RBM20: variants seen among roughly 807,000 people sequenced by gnomAD.
RBM20 encodes RNA-binding protein 20.
In RBM20, 51 loss-of-function variants were observed where a neutral mutation model predicts 110.1. The observed-to-expected ratio is 0.46, with a 90% CI of 0.37 to 0.59. The LOEUF is 0.59. Ranked by LOEUF, RBM20 falls within the 20% of genes least tolerant of loss-of-function variation. The probability of loss-of-function intolerance (pLI) is 0.00; values close to 1 mark genes in which losing one functional copy is unlikely to be tolerated. For synonymous variants in RBM20, 589 were observed against 618.2 expected, an observed-to-expected ratio of 0.95 and a Z score of 0.70; for missense variants, 1,512 against 1,574.9, an observed-to-expected ratio of 0.96 and a Z score of 0.68.
chr10:110,768,985 G>A lies in RBM20; in HGVS notation c.192-11816G>A, dbSNP rs1230210461. On this transcript the variant is annotated intron_variant, in intron 1 of 13. Coordinates refer to ENST00000369519, the MANE Select transcript of RBM20 (RefSeq NM_001134363.3). The stretch of plus-strand genomic sequence containing the variant: ...TCTTCAGGGTCATTTAAGACAAATG[G>A]TCATGCTGTTTGGAGTGACAAAAAT... Among the ~76,000 whole-genome samples, 4 of 152,202 alleles carry A rather than the reference G, an allele frequency of 2.6e-5. No individual in the cohort carries two copies. In the East Asian group the frequency reaches 5.8e-4, roughly 22 times the overall value.
At chr10:110,760,805 A>G (rs1254211982) in intron 1 of RBM20, among the ~76,000 whole-genome samples, 1 of 150,418 alleles carries the variant, frequency 6.6e-6, no homozygotes, top group Non-Finnish European at 1.5e-5. Context: ...TTAAAGAAAA[A>G]TTAGTTGGCC....
At chr10:110,708,615 T>C (rs966575129) in intron 1 of RBM20, among the ~76,000 whole-genome samples, 2 of 152,234 alleles carry the variant, frequency 1.3e-5, no homozygotes, top group African/African-American at 2.4e-5. Flanking sequence ...AAAGTATTAA[T>C]AGTGGCTATT....
intron 7 of RBM20, among the ~76,000 whole-genome samples, chr10:110,803,439 G>A (rs531738319): frequency 6.6e-6 from 1 of 152,202 alleles, no homozygotes; most frequent in Non-Finnish European, 1.5e-5. Flanking sequence ...GCTTCAGTGT[G>A]CATACAGATC....
intron 7 of RBM20, among the ~76,000 whole-genome samples, chr10:110,803,397 C>T (rs906400045): frequency 2.0e-5 from 3 of 152,198 alleles, no homozygotes; most frequent in Admixed American, 6.5e-5. Context: ...GCCAAGAAGC[C>T]GCAGAGATAG....
Position 110,718,983 on chromosome 10 carries a change from C to T in RBM20, c.192-61818C>T, listed in dbSNP as rs148806967. On this transcript the variant is annotated intron_variant, in intron 1 of 13. Transcript: ENST00000369519. ...GCATAGTTAATCTGCTTAAATAATA[C>T]GCTGTTGATGGACATTGAGTTATTA... Among the ~76,000 whole-genome samples the T allele has an allele frequency of 3.7e-4, 56 of 152,304 alleles. 1 individual carries two copies. The East Asian group carries it at 4.4e-3, about 12-fold the overall frequency.
At chr10:110,782,191 T>C (rs1163551197) in intron 2 of RBM20, among the ~76,000 whole-genome samples, 1 of 152,210 alleles carries the variant, frequency 6.6e-6, no homozygotes, top group Non-Finnish European at 1.5e-5. Flanking sequence ...CTCAGGAGTT[T>C]CCTGCCTTCT....
intron 1 of RBM20, among the ~76,000 whole-genome samples, chr10:110,734,842 T>C (rs74939889): frequency 0.016 from 2,470 of 152,270 alleles, 72 homozygotes; most frequent in African/African-American, 0.057. Context: ...TTAGCGACTT[T>C]TGGTCAACTA....
chr10:110,835,076 G>T (rs887936799), intron 13 of RBM20: 2 of 152,182 alleles, frequency 1.3e-5, no homozygotes, highest in Non-Finnish European at 2.9e-5. Context: ...ATGTCAGGCC[G>T]TGGTGCTGTT....
chr10:110,644,786 C>A lies in RBM20; in HGVS notation c.191+141C>A. 1.6e-6 allele frequency: 1 copy of A among 611,680 alleles called. No individual in the cohort carries two copies. The highest frequency in any genetic ancestry group is 2.7e-6 in the Non-Finnish European group (1 of 374,736). 37.9% of individuals were successfully genotyped at this position (611,680 alleles called of 1,614,324 possible). A position where few individuals can be genotyped will look rare whatever the true frequency, so the allele number is the denominator to read the frequency against. On this transcript the variant is annotated intron_variant, in intron 1 of 13. Coordinates refer to ENST00000369519, the MANE Select transcript of RBM20 (RefSeq NM_001134363.3). The surrounding 1 kb of genome is among the most constrained non-coding windows in gnomAD (Gnocchi z 4.3). ...GAAGTTTTCTCGTACCCCCTCTGGG[C>A]AGAGTCGGTGTCCTTCTGGCTGTTT...
At chr10:110,737,308 A>G (rs964863742) in intron 1 of RBM20, among the ~76,000 whole-genome samples, 9 of 152,046 alleles carry the variant, frequency 5.9e-5, no homozygotes, top group African/African-American at 2.2e-4. Context: ...CCAGGCACCA[A>G]ATCTGCTGGT....
At chr10:110,746,349 G>A (rs1366957057) in intron 1 of RBM20, among the ~76,000 whole-genome samples, 1 of 152,184 alleles carries the variant, frequency 6.6e-6, no homozygotes, top group Non-Finnish European at 1.5e-5. Flanking sequence ...AATGGGAGGG[G>A]CTTCCAGGAA....
At chr10:110,761,103 AAAAAAAAAAAAAG>A (rs1249479636) in intron 1 of RBM20, 1 of 108,894 alleles carries the variant, frequency 9.2e-6, no homozygotes, top group Admixed American at 8.6e-5. Flanking sequence ...ATCTCAAAAA[AAAAAAAAAAAAAG>A]AAAAGAGAAA....
At chr10:110,649,517 A>T (rs994924792) in intron 1 of RBM20, among the ~76,000 whole-genome samples, 5 of 152,124 alleles carry the variant, frequency 3.3e-5, no homozygotes, top group African/African-American at 1.2e-4. Flanking sequence ...GAAGTAGGAC[A>T]CCCCTCTCCC....
At chr10:110,820,439 T>C (rs906890668) in intron 10 of RBM20, among the ~76,000 whole-genome samples, 2 of 152,188 alleles carry the variant, frequency 1.3e-5, no homozygotes, top group Non-Finnish European at 2.9e-5. Flanking sequence ...CGAGAAAACA[T>C]GTGCCCAAAA....
At chr10:110,717,993 T>C (rs996818231) in intron 1 of RBM20, among the ~76,000 whole-genome samples, 1 of 152,222 alleles carries the variant, frequency 6.6e-6, no homozygotes, top group Non-Finnish European at 1.5e-5. Context: ...GTCTGGGGCT[T>C]CGGGCATCTG....
intron 5 of RBM20, among the ~76,000 whole-genome samples, chr10:110,796,560 A>G (rs12414961): frequency 0.41 from 61,932 of 152,126 alleles, 13,169 homozygotes; most frequent in South Asian, 0.6. Context: ...CCTGGGCAAT[A>G]CAGCAAGACC....
intron 1 of RBM20, among the ~76,000 whole-genome samples, chr10:110,693,196 A>G (rs1307934100): frequency 6.6e-6 from 1 of 152,134 alleles, no homozygotes; most frequent in Non-Finnish European, 1.5e-5. Flanking sequence ...CATCATATTC[A>G]TAATGGATGT....
intron 1 of RBM20, among the ~76,000 whole-genome samples, chr10:110,762,814 C>A (rs1049772207): frequency 1.3e-5 from 2 of 152,146 alleles, no homozygotes; most frequent in Non-Finnish European, 2.9e-5. Flanking sequence ...TGTGGTGGGG[C>A]GCTTTTCAAT....
chr10:110,656,836 G>T (rs563738787), intron 1 of RBM20, among the ~76,000 whole-genome samples: 1 of 152,288 alleles, frequency 6.6e-6, no homozygotes, highest in South Asian at 2.1e-4. Context: ...ATACTCCATT[G>T]TATAGGTACC....
Sources: allele counts gnomAD v4.1 joint callset (sites outside exome capture counted in the v4.1 genomes callset), GRCh38; gene constraint gnomAD v4.1.1; non-coding constraint Gnocchi (gnomAD v3.1); transcripts MANE v1.5; gene names NCBI Gene and HGNC (gene_info 2026-07-23, HGNC 2026-07-21).